Variants in GRIN2A observed in about 807,000 individuals in gnomAD.
GRIN2A encodes glutamate receptor ionotropic, NMDA 2A.
In GRIN2A, 22 loss-of-function variants were observed where a neutral mutation model predicts 113.4. The observed-to-expected ratio is 0.19, with a 90% confidence interval of 0.14 to 0.28. The LOEUF is 0.28. GRIN2A is among the 10% of genes least tolerant of loss of function. The probability of loss-of-function intolerance (pLI) is 1.00; values close to 1 mark genes in which losing one functional copy is unlikely to be tolerated. For synonymous variants in GRIN2A, 827 were observed against 738.4 expected (o/e 1.12, Z -1.94); for missense variants, 1,502 against 1,887.0 (o/e 0.80, Z 3.78).
chr16:9,842,746 G>A (rs1445384208), intron 5 of GRIN2A, among the ~76,000 whole-genome samples: 1 of 152,078 alleles, frequency 6.6e-6, no homozygotes, highest in Non-Finnish European at 1.5e-5. Flanking sequence ...AGACCAGCCT[G>A]GCCAACATGG....
intron 2 of GRIN2A, among the ~76,000 whole-genome samples, chr16:10,097,076 C>A (rs1209015637): frequency 6.6e-6 from 1 of 152,136 alleles, no homozygotes; most frequent in Non-Finnish European, 1.5e-5. Context: ...CTGAAAACAT[C>A]AGGGAAAAAG....
chr16:10,019,441 T>C (rs1355739966), intron 2 of GRIN2A, among the ~76,000 whole-genome samples: 3 of 152,204 alleles, frequency 2.0e-5, no homozygotes, highest in African/African-American at 7.2e-5. Flanking sequence ...AAGGAGGAAA[T>C]GTTTAATCTG....
intron 3 of GRIN2A, among the ~76,000 whole-genome samples, chr16:9,930,294 T>C (rs1166597209): frequency 6.6e-6 from 1 of 152,204 alleles, no homozygotes; most frequent in East Asian, 1.9e-4. Flanking sequence ...TCATCCTCCC[T>C]ATTCTTGGAA....
intron 3 of GRIN2A, among the ~76,000 whole-genome samples, chr16:9,908,122 G>A (rs1010671565): frequency 1.3e-5 from 2 of 152,144 alleles, no homozygotes; most frequent in East Asian, 3.8e-4. Context: ...GAACTCTGCC[G>A]GGCCTCATAA....
At chr16:9,883,608 G>A (rs2043528861) in intron 4 of GRIN2A, among the ~76,000 whole-genome samples, 1 of 152,160 alleles carries the variant, frequency 6.6e-6, no homozygotes, top group African/African-American at 2.4e-5. Context: ...GACACTCCGG[G>A]GATAAGAAGA....
chr16:9,910,965 C>T (rs984174644), intron 3 of GRIN2A, among the ~76,000 whole-genome samples: 2 of 151,910 alleles, frequency 1.3e-5, no homozygotes, highest in Non-Finnish European at 1.5e-5. Context: ...TCCAAAACAA[C>T]CAGTATCATT....
At chr16:10,028,357 G>A (rs2046860353) in intron 2 of GRIN2A, among the ~76,000 whole-genome samples, 1 of 151,980 alleles carries the variant, frequency 6.6e-6, no homozygotes, top group Non-Finnish European at 1.5e-5. Flanking sequence ...AAATGAATGT[G>A]TGCTCCCATT....
Position 9,762,758 on chromosome 16 carries a change from G to T in GRIN2A, c.*391C>A. The T allele has an allele frequency of 2.6e-6, 1 of 388,844 alleles. No homozygotes were observed. Among genetic ancestry groups the T allele is most frequent in the Non-Finnish European group, 4.7e-6 (1 of 211,966 alleles). 24.1% of individuals were successfully genotyped at this position (388,844 alleles called of 1,614,324 possible). ...TATTCTGTATTAGAGAAACCATTAG[G>T]CATTTCTGATGAGAAAATTACATGG... On this transcript the variant is annotated 3_prime_UTR_variant, in exon 13 of 13. Transcript: ENST00000330684.
At chr16:9,982,855 G>A (rs1056251889) in intron 2 of GRIN2A, among the ~76,000 whole-genome samples, 6 of 152,120 alleles carry the variant, frequency 3.9e-5, no homozygotes, top group African/African-American at 1.4e-4. Flanking sequence ...TTTCCCAGTG[G>A]TCTCCCTCAG....
intron 2 of GRIN2A, among the ~76,000 whole-genome samples, chr16:10,039,791 G>A (rs372634006): frequency 0.13 from 12,815 of 102,180 alleles, 1,632 homozygotes; most frequent in East Asian, 0.38. Flanking sequence ...GGAGGGGGAG[G>A]GGGAGGGGGA....
intron 2 of GRIN2A, among the ~76,000 whole-genome samples, chr16:10,072,323 G>T (rs1158792608): frequency 1.3e-5 from 2 of 152,208 alleles, no homozygotes; most frequent in African/African-American, 2.4e-5. Flanking sequence ...TTATAAGAGT[G>T]AAGCATCAAC....
chr16:9,768,565 A>G (rs981555282), intron 12 of GRIN2A, among the ~76,000 whole-genome samples: 13 of 152,116 alleles, frequency 8.5e-5, no homozygotes, highest in African/African-American at 2.9e-4. Context: ...AGTATTCCCT[A>G]TCGTTCTCTC....
chr16:10,125,631 G>GAA (rs79695852), intron 2 of GRIN2A, among the ~76,000 whole-genome samples: 10,047 of 131,864 alleles, frequency 0.076, 436 homozygotes, highest in Admixed American at 0.11. Context: ...ATGGTGGGAG[G>GAA]AAAAAAAAAA....
intron 2 of GRIN2A, among the ~76,000 whole-genome samples, chr16:10,178,994 T>C (rs2050205421): frequency 6.6e-6 from 1 of 152,308 alleles, no homozygotes; most frequent in South Asian, 2.1e-4. Context: ...ACTCCAATCT[T>C]TCCCTTTTTT....
intron 2 of GRIN2A, among the ~76,000 whole-genome samples, chr16:10,014,741 G>A (rs1231889830): frequency 1.3e-5 from 2 of 152,180 alleles, no homozygotes; most frequent in African/African-American, 2.4e-5. Context: ...ACCGTTTTAA[G>A]TCATTTAAAC....
Position 9,837,825 on chromosome 16 carries a change from G to A in GRIN2A, c.1651+2822C>T, listed in dbSNP as rs545018199. Among the ~76,000 whole-genome samples, 99 of 152,138 alleles carry A rather than the reference G, an allele frequency of 6.5e-4. 1 individual carries two copies. The South Asian group carries it at 0.019, about 29-fold the overall frequency. ...GTATCTGAATCCATGTCAGACGGAGGGACAAAAGGAACATAATGAGGTGTG... is the reference window on the plus strand; with the variant it reads ...GTATCTGAATCCATGTCAGACGGAGAGACAAAAGGAACATAATGAGGTGTG... On this transcript the variant is annotated intron_variant, in intron 7 of 12. Coordinates refer to ENST00000330684, the MANE Select transcript of GRIN2A (RefSeq NM_001134407.3).
chr16:9,820,353 C>A (rs2042259196), intron 10 of GRIN2A, among the ~76,000 whole-genome samples: 1 of 152,158 alleles, frequency 6.6e-6, no homozygotes, highest in Non-Finnish European at 1.5e-5. Context: ...AAACCCATGG[C>A]TAAACTGTAA....
chr16:10,083,783 C>T (rs1162114897), intron 2 of GRIN2A, among the ~76,000 whole-genome samples: 1 of 152,184 alleles, frequency 6.6e-6, no homozygotes, highest in East Asian at 1.9e-4. Flanking sequence ...TGCTCAGTTT[C>T]CTCATCTTTT....
At chr16:10,006,278 T>C (rs1159710530) in intron 2 of GRIN2A, among the ~76,000 whole-genome samples, 1 of 152,158 alleles carries the variant, frequency 6.6e-6, no homozygotes, top group African/African-American at 2.4e-5. Context: ...TTTTTTACAA[T>C]GCAACTTCAA....
Sources: allele counts gnomAD v4.1 joint callset (sites outside exome capture counted in the v4.1 genomes callset), GRCh38; gene constraint gnomAD v4.1.1; transcripts MANE v1.5; gene names NCBI Gene and HGNC (gene_info 2026-07-23, HGNC 2026-07-21).